Variants in ERAP1 observed in about 807,000 individuals in gnomAD.
ERAP1 encodes endoplasmic reticulum aminopeptidase 1.
ERAP1 carries 86 observed loss-of-function variants against 103.7 expected under a neutral mutation model. The ratio of observed to expected loss-of-function variants is 0.83; its 90% CI spans 0.70 to 0.99. The LOEUF (loss-of-function observed/expected upper bound fraction) is 0.99, where lower values mean the gene tolerates loss of function less well. Among genes scored for constraint, ERAP1 ranks in the 50% least tolerant of loss-of-function variants. ERAP1 has a pLI of 0.00. For synonymous variants in ERAP1, 398 were observed against 402.4 expected (o/e 0.99, Z 0.13); for missense variants, 1,009 against 1,128.4 (o/e 0.89, Z 1.52).
chr5:96,795,630 A>C (rs1777267218), intron 4 of ERAP1, among the ~76,000 whole-genome samples: 1 of 152,224 alleles, frequency 6.6e-6, no homozygotes, highest in Non-Finnish European at 1.5e-5. Flanking sequence ...TAAAGCTAGT[A>C]CCCAAAGGCC....
the ERAP1 span, chr5:96,896,460 C>G: frequency 2.7e-5 from 43 of 1,613,424 alleles, no homozygotes; most frequent in Non-Finnish European, 3.6e-5. Flanking sequence ...AGCGGAAACC[C>G]CGACTCAAAT....
intron 3 of ERAP1, among the ~76,000 whole-genome samples, chr5:96,798,672 C>T (rs1184410244): frequency 1.3e-5 from 2 of 151,734 alleles, no homozygotes; most frequent in African/African-American, 4.8e-5. Context: ...CTTCTGCCTC[C>T]CAAAGTGTTA....
the ERAP1 span, chr5:96,880,310 G>A: frequency 1.9e-5 from 28 of 1,485,282 alleles, no homozygotes; most frequent in Admixed American, 2.7e-4. Context: ...ATTTCCTTAC[G>A]AGTTACATCT....
chr5:96,870,814 T>C, the ERAP1 span, among the ~76,000 whole-genome samples: 1 of 152,186 alleles, frequency 6.6e-6, no homozygotes, highest in African/African-American at 2.4e-5. Context: ...AGCAGAGACT[T>C]ATCTGCTCCC....
intron 14 of ERAP1, among the ~76,000 whole-genome samples, 163 bp downstream of exon 14, chr5:96,783,761 G>C (rs1775576161): frequency 6.6e-6 from 1 of 151,282 alleles, no homozygotes; most frequent in African/African-American, 2.4e-5. Flanking sequence ...AATCTTGCTA[G>C]TCCATCTAAA....
intron 19 of ERAP1, chr5:96,768,085 A>G (rs1263932887): frequency 5.6e-6 from 5 of 897,488 alleles, no homozygotes; most frequent in Middle Eastern, 2.1e-4. Context: ...TGATTGATCT[A>G]TCTATCGGTC....
chr5:96,851,188 C>T, the ERAP1 span, among the ~76,000 whole-genome samples: 5 of 152,244 alleles, frequency 3.3e-5, no homozygotes, highest in East Asian at 3.8e-4. Context: ...ATTAAATTAA[C>T]TTTTCTTTTA....
At chr5:96,902,518 A>T in the ERAP1 span, 1 of 532,746 alleles carries the variant, frequency 1.9e-6, no homozygotes, top group Non-Finnish European at 3.3e-6. Context: ...TAGTAAGAAA[A>T]TCTGGATTTT....
chr5:96,794,584 C>A (rs1396950053), intron 5 of ERAP1, among the ~76,000 whole-genome samples: 2 of 152,136 alleles, frequency 1.3e-5, no homozygotes, highest in Admixed American at 1.3e-4. Flanking sequence ...ATTTTGGATG[C>A]CCAAGACCCA....
the ERAP1 span, among the ~76,000 whole-genome samples, chr5:96,847,297 C>A: frequency 0.048 from 7,080 of 148,988 alleles, 205 homozygotes; most frequent in South Asian, 0.11. Flanking sequence ...ATACAGCTTT[C>A]AAAACTTGTT....
chr5:96,923,142 T>A, the ERAP1 span, among the ~76,000 whole-genome samples: 1 of 152,096 alleles, frequency 6.6e-6, no homozygotes, highest in Admixed American at 6.6e-5. Flanking sequence ...GCTGTCTAAT[T>A]TTTATTTTTT....
At chr5:96,889,201 C>T in the ERAP1 span, 1 of 1,614,138 alleles carries the variant, frequency 6.2e-7, no homozygotes, top group South Asian at 1.1e-5. Flanking sequence ...ATCTATGCAT[C>T]CCCAGACAAA....
At chr5:96,889,368 C>T in the ERAP1 span, 12 of 1,559,472 alleles carry the variant, frequency 7.7e-6, no homozygotes, top group Non-Finnish European at 1.1e-5. Flanking sequence ...TGATCTCTTC[C>T]CTCTTTCTCT....
At chr5:96,791,940 C>T (rs1240331883) in intron 8 of ERAP1, 121 bp downstream of exon 8, 6 of 1,012,336 alleles carry the variant, frequency 5.9e-6, no homozygotes, top group Admixed American at 1.9e-5. Flanking sequence ...CCAGCCAGCA[C>T]GTGTCAAGAG....
At chr5:96,799,081 G>T (rs910214042) in intron 3 of ERAP1, among the ~76,000 whole-genome samples, 1 of 151,752 alleles carries the variant, frequency 6.6e-6, no homozygotes, top group African/African-American at 2.4e-5. Context: ...GGCCAGGCTG[G>T]TCTTGAACTC....
the ERAP1 span, chr5:96,913,307 C>G: frequency 6.2e-6 from 10 of 1,609,512 alleles, no homozygotes; most frequent in Non-Finnish European, 8.5e-6. Context: ...AATTATTTTT[C>G]TTTCTTCAGG....
the ERAP1 span, among the ~76,000 whole-genome samples, chr5:96,817,834 C>T: frequency 6.6e-6 from 1 of 152,240 alleles, no homozygotes; most frequent in African/African-American, 2.4e-5. Context: ...AAATTCAAGT[C>T]TCCCACCAGT....
intron 5 of ERAP1, among the ~76,000 whole-genome samples, chr5:96,794,486 C>T (rs13168673): frequency 0.16 from 24,695 of 152,114 alleles, 2,281 homozygotes; most frequent in Non-Finnish European, 0.22. Flanking sequence ...CCACCGTGCC[C>T]GCCTTTTCAG....
At chr5:96,896,718 G>GA in the ERAP1 span, 1 of 1,456,986 alleles carries the variant, frequency 6.9e-7, no homozygotes, top group Non-Finnish European at 9.2e-7. Context: ...CAACTCTTTT[G>GA]TTTTTTTTTA....
Sources: allele counts gnomAD v4.1 joint callset (sites outside exome capture counted in the v4.1 genomes callset), GRCh38; gene constraint gnomAD v4.1.1; transcripts MANE v1.5; gene names NCBI Gene and HGNC (gene_info 2026-07-23, HGNC 2026-07-21).